BCR: variants seen among roughly 807,000 people sequenced by gnomAD.
BCR encodes the protein breakpoint cluster region protein.
A neutral mutation model predicts 138.6 loss-of-function variants in BCR; 58 were observed. The ratio of observed to expected loss-of-function variants is 0.42; its 90% CI spans 0.34 to 0.52. BCR has a LOEUF of 0.52. Ranked by LOEUF, BCR falls within the 20% of genes least tolerant of loss-of-function variation. The pLI, the probability that BCR is intolerant of heterozygous loss-of-function variation, is 0.06. For synonymous variants in BCR, 786 were observed against 730.1 expected (o/e 1.08, Z -1.23); for missense variants, 1,599 against 1,727.2 (o/e 0.93, Z 1.32).
chr22:23,222,237 C>T (rs192533178), intron 1 of BCR, among the ~76,000 whole-genome samples: 32 of 152,322 alleles, frequency 2.1e-4, no homozygotes, highest in African/African-American at 7.5e-4. Flanking sequence ...AATGCCAGCA[C>T]GTAGTAGGTG....
chr22:23,261,545 G>A lies in BCR; in HGVS notation c.1752+5G>A, dbSNP rs199601597. On this transcript the variant is annotated splice_donor_5th_base_variant and intron_variant, in intron 4 of 22. Coordinates refer to ENST00000305877, the MANE Select transcript of BCR (RefSeq NM_004327.4). ...GGCGACCTCTTCCAGAAGCTGGTGA[G>A]TAACCCAGGGCCGGTGCTGGGACTA... 9.8e-5 allele frequency: 158 copies of A among 1,610,752 alleles called. No homozygotes were observed. Among genetic ancestry groups the A allele is most frequent in the Non-Finnish European group, 1.4e-5 (16 of 1,179,990 alleles).
In BCR at chr22:23,251,605, A is replaced by G. The variant is rs893341674; in HGVS notation, c.1280-2194A>G. Among the ~76,000 whole-genome samples the G allele has an allele frequency of 7.9e-5, 12 of 152,354 alleles. No individual in the cohort carries two copies. The East Asian group carries it at 2.3e-3, about 29-fold the overall frequency. Reference sequence around the variant, plus strand: ...AAGGACTGACAACAGTCTCCACTTCAGGATTGCTGGGTCAGTTGCTCTGAG... The same window carrying G: ...AAGGACTGACAACAGTCTCCACTTCGGGATTGCTGGGTCAGTTGCTCTGAG... On this transcript the variant is annotated intron_variant, in intron 1 of 22. Transcript: ENST00000305877.
chr22:23,260,235 C>T (rs952002242), intron 2 of BCR, among the ~76,000 whole-genome samples: 3 of 152,188 alleles, frequency 2.0e-5, no homozygotes, highest in African/African-American at 7.2e-5. Flanking sequence ...AACAGTAGAG[C>T]TTCCCTGAAC....
chr22:23,317,847 G>A lies in BCR; in HGVS notation c.*2325G>A, dbSNP rs2074089514. The A allele has an allele frequency of 7.3e-6, 1 of 136,494 alleles. No homozygotes were observed. The highest frequency in any genetic ancestry group is 1.4e-4 in the East Asian group (1 of 7,256). The allele number at this position is 136,494 out of a possible 1,614,324, so 8.5% of individuals were successfully genotyped here. A position where few individuals can be genotyped will look rare whatever the true frequency, so the allele number is the denominator to read the frequency against. ...AATGCAGGCGAAGGCCTAGATGCCA[G>A]TGTGACCTCCCACAAGGCGTGGCTT... is the stretch of plus-strand genomic sequence containing the variant. On this transcript the variant is annotated 3_prime_UTR_variant, in exon 23 of 23. Coordinates refer to ENST00000305877, the MANE Select transcript of BCR (RefSeq NM_004327.4).
chr22:23,221,161 C>T (rs977391451), intron 1 of BCR, among the ~76,000 whole-genome samples: 3 of 152,160 alleles, frequency 2.0e-5, no homozygotes, highest in Non-Finnish European at 4.4e-5. Flanking sequence ...AATTCATATC[C>T]ACTATTTGCT....
chr22:23,309,504 C>G (rs370582318), intron 17 of BCR, 21 bp downstream of exon 17: 121 of 1,578,100 alleles, frequency 7.7e-5, no homozygotes, highest in Non-Finnish European at 1.0e-4. Context: ...GTGGGACTCT[C>G]CTGGTGCCCA....
intron 8 of BCR, 121 bp downstream of exon 8, chr22:23,273,895 G>T: frequency 7.2e-7 from 1 of 1,394,328 alleles, no homozygotes; most frequent in African/African-American, 1.4e-5. Context: ...TTCTGGGATT[G>T]GTGAGATTGG....
At position 23,269,639 on chromosome 22, in the gene BCR, G is replaced by A. The variant is rs75229265; in HGVS notation, c.1860+1124G>A. Among the ~76,000 whole-genome samples, 767 of 152,312 alleles carry A rather than the reference G, an allele frequency of 5.0e-3. 8 individuals are homozygous for A. The highest frequency in any genetic ancestry group is 0.018 in the African/African-American group (730 of 41,560). ...GCACCCTGCTCCGCCAGGTGCTGCT[G>A]GTAACAGGCTCTGCATGTATCCGGG... On this transcript the variant is annotated intron_variant, in intron 5 of 22. Transcript: ENST00000305877.
chr22:23,257,836 G>A (rs2073311496), intron 2 of BCR, among the ~76,000 whole-genome samples: 6 of 152,204 alleles, frequency 3.9e-5, no homozygotes, highest in Admixed American at 2.0e-4. Flanking sequence ...GTGAGAGTAC[G>A]GAGACCCTGA....
At chr22:23,251,173 CAG>C (rs2073223604) in intron 1 of BCR, 1 of 152,308 alleles carries the variant, frequency 6.6e-6, no homozygotes, top group East Asian at 1.9e-4. Flanking sequence ...TCAACACGCA[CAG>C]AGACAGAACC....
At chr22:23,200,156 G>T (rs773377081) in intron 1 of BCR, among the ~76,000 whole-genome samples, 6 of 152,048 alleles carry the variant, frequency 3.9e-5, no homozygotes, top group Non-Finnish European at 4.4e-5. Context: ...GACATCAAAG[G>T]CTGGAGCAGG....
intron 1 of BCR, among the ~76,000 whole-genome samples, chr22:23,185,852 C>T (rs948872686): frequency 2.0e-5 from 3 of 151,738 alleles, no homozygotes; most frequent in African/African-American, 4.8e-5. Flanking sequence ...CCTCAGCCTC[C>T]TGGGTAGCTG....
At chr22:23,261,589 T>C (rs1390094328) in intron 4 of BCR, 49 bp downstream of exon 4, 1 of 1,582,972 alleles carries the variant, frequency 6.3e-7, no homozygotes. Context: ...TACCACCACG[T>C]CCAGCTAATT....
chr22:23,291,582 A>G (rs939890146), intron 14 of BCR, among the ~76,000 whole-genome samples: 5 of 151,930 alleles, frequency 3.3e-5, no homozygotes, highest in Admixed American at 3.3e-4. Context: ...GTGACACCCT[A>G]CGCTGCCCCG....
chr22:23,198,655 C>A (rs963826743), intron 1 of BCR, among the ~76,000 whole-genome samples: 1 of 152,068 alleles, frequency 6.6e-6, no homozygotes, highest in African/African-American at 2.4e-5. Flanking sequence ...GCTGGTGGTG[C>A]CTGGGGCAGA....
intron 16 of BCR, among the ~76,000 whole-genome samples, chr22:23,301,758 G>T (rs1001649645): frequency 2.0e-5 from 3 of 152,174 alleles, no homozygotes; most frequent in African/African-American, 7.2e-5. Flanking sequence ...TGTTCTTGGG[G>T]ACCCCCCCGC....
At chr22:23,267,195 G>A (rs2073452434) in intron 4 of BCR, among the ~76,000 whole-genome samples, 1 of 152,210 alleles carries the variant, frequency 6.6e-6, no homozygotes, top group African/African-American at 2.4e-5. Flanking sequence ...TTTGTACCAA[G>A]GCTGGGAGGC....
intron 2 of BCR, among the ~76,000 whole-genome samples, chr22:23,258,826 C>T (rs1568958831): frequency 6.6e-6 from 1 of 152,214 alleles, no homozygotes; most frequent in South Asian, 2.1e-4. Flanking sequence ...TGATTTTCCC[C>T]GAAAGTGGGA....
chr22:23,253,686 G>A (rs560824361), intron 1 of BCR, 113 bp from the exon 2 acceptor site: 1 of 1,303,636 alleles, frequency 7.7e-7, no homozygotes, highest in East Asian at 2.4e-5. Context: ...CGAGGTCGTT[G>A]TGAGATGCCT....
Sources: allele counts gnomAD v4.1 joint callset (sites outside exome capture counted in the v4.1 genomes callset), GRCh38; gene constraint gnomAD v4.1.1; transcripts MANE v1.5; gene names NCBI Gene and HGNC (gene_info 2026-07-23, HGNC 2026-07-21).